Variants in PDE8B observed in about 807,000 individuals in gnomAD.
PDE8B encodes phosphodiesterase 8B, also known as high affinity cAMP-specific and IBMX-insensitive 3',5'-cyclic phosphodiesterase 8B.
In PDE8B, 26 loss-of-function variants were observed where a neutral mutation model predicts 101.3. The observed-to-expected ratio is 0.26, with a 90% CI of 0.19 to 0.36. The LOEUF is 0.36. PDE8B is among the 10% of genes least tolerant of loss of function. PDE8B has a pLI of 1.00. For synonymous variants in PDE8B, 424 were observed against 429.3 expected, an observed-to-expected ratio of 0.99 and a Z score of 0.15; for missense variants, 810 against 1,163.1, an observed-to-expected ratio of 0.70 and a Z score of 4.42.
At chr5:77,312,101 TTTTC>T in intron 2 of PDE8B, 48 bp downstream of exon 2, 4 of 1,318,676 alleles carry the variant, frequency 3.0e-6, no homozygotes, top group Non-Finnish European at 3.2e-6. Context: ...TTTCTTTTTT[TTTTC>T]TTTTTTTTTT....
In PDE8B at chr5:77,423,786, A is replaced by G. The variant is rs531224160; in HGVS notation, c.2418+1798A>G. 1.1e-4 allele frequency among the ~76,000 whole-genome samples: 16 copies of G among 150,976 alleles called. No individual in the cohort carries two copies. The East Asian group carries it at 3.1e-3, about 29-fold the overall frequency. Reference sequence around the variant, plus strand: ...CAAGTAGCTGGGACTACAGGTGCACACTGCCATGCCCGGCTAATTTTTTGT... The same window carrying G: ...CAAGTAGCTGGGACTACAGGTGCACGCTGCCATGCCCGGCTAATTTTTTGT... On this transcript the variant is annotated intron_variant, in intron 20 of 21. Transcript: ENST00000264917.
chr5:77,098,292 TTA>T, the PDE8B span, among the ~76,000 whole-genome samples: 241 of 85,780 alleles, frequency 2.8e-3, no homozygotes, highest in Admixed American at 0.016. Context: ...CTTTTTTTTT[TTA>T]AAAAAAAAAA....
the PDE8B span, among the ~76,000 whole-genome samples, chr5:77,131,521 C>T: frequency 6.6e-6 from 1 of 152,194 alleles, no homozygotes; most frequent in Admixed American, 6.5e-5. Flanking sequence ...AGTTTAAGTC[C>T]AGATGTGCAA....
At chr5:77,423,481 A>G (rs933153981) in intron 20 of PDE8B, among the ~76,000 whole-genome samples, 1 of 152,104 alleles carries the variant, frequency 6.6e-6, no homozygotes, top group Non-Finnish European at 1.5e-5. Context: ...ATTTCTCACC[A>G]ACAGTGTATA....
At chr5:77,305,053 C>T (rs995285730) in intron 1 of PDE8B, among the ~76,000 whole-genome samples, 6 of 152,094 alleles carry the variant, frequency 3.9e-5, no homozygotes, top group Non-Finnish European at 8.8e-5. Context: ...CAGGAGGGGC[C>T]ATTAAAGAAG....
Position 77,243,764 on chromosome 5 carries a change from T to TTATTTTTA in PDE8B, c.339+32500_339+32501insTATTTTTA, listed in dbSNP as rs758448618. On this transcript the variant is annotated intron_variant, in intron 1 of 21. Coordinates refer to ENST00000264917, the MANE Select transcript of PDE8B (RefSeq NM_003719.5). ...ATTCATCAGTTGGTGGACATTTTGG[T>TTATTTTTA]GATTTTTAAATTTTTGCTATTATAA... is the stretch of plus-strand genomic sequence containing the variant. 1.3e-4 allele frequency among the ~76,000 whole-genome samples: 20 copies of TTATTTTTA among 152,300 alleles called. No individual in the cohort carries two copies. In the East Asian group the frequency reaches 3.9e-3, roughly 29 times the overall value.
At chr5:77,403,879 C>A (rs1182260881) in intron 11 of PDE8B, among the ~76,000 whole-genome samples, 3 of 151,934 alleles carry the variant, frequency 2.0e-5, no homozygotes, top group African/African-American at 7.3e-5. Flanking sequence ...AGTGCAATGG[C>A]ACAATCTCAG....
chr5:77,377,626 C>T (rs1347519362), intron 10 of PDE8B, among the ~76,000 whole-genome samples: 4 of 152,170 alleles, frequency 2.6e-5, no homozygotes, highest in Admixed American at 2.6e-4. Flanking sequence ...TCCTTTAAAA[C>T]AGTAAAACCT....
intron 1 of PDE8B, among the ~76,000 whole-genome samples, chr5:77,227,218 C>T (rs1752582293): frequency 6.6e-6 from 1 of 152,082 alleles, no homozygotes; most frequent in Non-Finnish European, 1.5e-5. Flanking sequence ...TGGATTTTAT[C>T]TTTGTGATAG....
chr5:77,200,665 A>T, the PDE8B span, among the ~76,000 whole-genome samples: 1 of 152,172 alleles, frequency 6.6e-6, no homozygotes, highest in Non-Finnish European at 1.5e-5. Flanking sequence ...ATCCCTGAGT[A>T]AGTAGCATTA....
the PDE8B span, among the ~76,000 whole-genome samples, chr5:77,176,329 A>G: frequency 6.6e-6 from 1 of 152,216 alleles, no homozygotes; most frequent in Non-Finnish European, 1.5e-5. Context: ...CAGTGTAGGA[A>G]GAAGAGAGTG....
the PDE8B span, among the ~76,000 whole-genome samples, chr5:77,178,843 T>C: frequency 6.6e-6 from 1 of 152,220 alleles, no homozygotes; most frequent in East Asian, 1.9e-4. Context: ...TTCAGTTTGT[T>C]GGACCGAGGG....
intron 11 of PDE8B, among the ~76,000 whole-genome samples, chr5:77,403,095 G>A (rs1792651734): frequency 6.6e-6 from 1 of 152,148 alleles, no homozygotes; most frequent in South Asian, 2.1e-4. Flanking sequence ...TCTCACAGAA[G>A]CAAATGCGCT....
At chr5:77,318,399 G>A (rs879738380) in intron 2 of PDE8B, among the ~76,000 whole-genome samples, 14 of 152,302 alleles carry the variant, frequency 9.2e-5, no homozygotes, top group African/African-American at 2.6e-4. Context: ...GGTGCTGAGA[G>A]ATAGTAAGTT....
chr5:77,411,759 C>T, intron 15 of PDE8B, 38 bp downstream of exon 15: 1 of 1,465,220 alleles, frequency 6.8e-7, no homozygotes, highest in Non-Finnish European at 9.6e-7. Context: ...TGTAACCTGT[C>T]TCCAGCCTGT....
At chr5:77,131,392 C>T in the PDE8B span, among the ~76,000 whole-genome samples, 4 of 152,352 alleles carry the variant, frequency 2.6e-5, no homozygotes, top group East Asian at 5.8e-4. Flanking sequence ...TTTCCACCCA[C>T]GTTCCAGGAT....
At chr5:77,348,122 C>A (rs1379473011) in intron 7 of PDE8B, among the ~76,000 whole-genome samples, 1 of 152,180 alleles carries the variant, frequency 6.6e-6, no homozygotes, top group African/African-American at 2.4e-5. Context: ...AGCTGTGTCT[C>A]CCAAGGAACA....
At chr5:77,282,849 C>G (rs1381503197) in intron 1 of PDE8B, among the ~76,000 whole-genome samples, 1 of 151,882 alleles carries the variant, frequency 6.6e-6, no homozygotes, top group Non-Finnish European at 1.5e-5. Context: ...ATAAGCTGCT[C>G]TGGATCCCCA....
chr5:77,173,222 G>A, the PDE8B span, among the ~76,000 whole-genome samples: 2 of 152,196 alleles, frequency 1.3e-5, no homozygotes, highest in Non-Finnish European at 2.9e-5. Context: ...AAATCTGACT[G>A]CTGAATATTT....
Sources: gnomAD v4.1 joint callset for allele counts (sites outside exome capture counted in the v4.1 genomes callset) on GRCh38, gnomAD v4.1.1 for gene constraint, MANE v1.5 for transcripts, NCBI Gene and HGNC (gene_info 2026-07-23, HGNC 2026-07-21) for gene names.